ATP2B2: variants seen among roughly 807,000 people sequenced by gnomAD.
The protein encoded by ATP2B2 is plasma membrane calcium-transporting ATPase 2.
ATP2B2 carries 15 observed loss-of-function variants against 120.0 expected under a neutral mutation model. The ratio of observed to expected loss-of-function variants is 0.12; its 90% CI spans 0.08 to 0.19. ATP2B2 has a LOEUF of 0.19. ATP2B2 is among the 10% of genes least tolerant of loss of function. The pLI is 1.00. For synonymous variants in ATP2B2, 694 were observed against 700.3 expected (o/e 0.99, Z 0.14); for missense variants, 1,045 against 1,719.8 (o/e 0.61, Z 6.94).
chr3:10,366,181 T>C (rs1025109116), intron 12 of ATP2B2, among the ~76,000 whole-genome samples: 2 of 152,158 alleles, frequency 1.3e-5, no homozygotes, highest in African/African-American at 4.8e-5. Flanking sequence ...CACTCGAATA[T>C]TAGATCGAGC....
rs548228966 is a variant in ATP2B2, at chr3:10,695,286, C to G, written c.-460+12629G>C. 5.9e-3 allele frequency among the ~76,000 whole-genome samples: 547 copies of G among 93,192 alleles called. 1 individual carries two copies. The highest frequency in any genetic ancestry group is 7.2e-3 in the Non-Finnish European group (343 of 47,888). The allele number at this position is 93,192 out of a possible 152,430, so 61.1% of individuals were successfully genotyped here. The stretch of plus-strand genomic sequence containing the variant: ...AGAGAGAGAGAGAGAGAGAGAGAGA[C>G]AGCTTGTGCAGGGGAATTCCTCTTT... On this transcript the variant is annotated intron_variant, in intron 1 of 21. Coordinates refer to the ATP2B2 transcript ENST00000646379.
intron 2 of ATP2B2, among the ~76,000 whole-genome samples, chr3:10,618,468 C>T (rs371443311): frequency 3.9e-5 from 6 of 152,152 alleles, no homozygotes; most frequent in Non-Finnish European, 7.4e-5. Context: ...ACAAGGCTAT[C>T]GAGGTGATGA....
At chr3:10,615,397 C>G (rs76520837) in intron 2 of ATP2B2, among the ~76,000 whole-genome samples, 1 of 152,080 alleles carries the variant, frequency 6.6e-6, no homozygotes, top group African/African-American at 2.4e-5. Context: ...TGAGCAGAAA[C>G]GAAGGGAGGG....
Position 10,570,774 on chromosome 3 carries a change from C to T in ATP2B2, c.-414-36641G>A, listed in dbSNP as rs78285857. ...ATTGGCGAGAGGCAAAGGCTCCCTGCCCCCTGCAATGAGACCTACTCTCCC... is the reference window on the plus strand; with the variant it reads ...ATTGGCGAGAGGCAAAGGCTCCCTGTCCCCTGCAATGAGACCTACTCTCCC... On this transcript the variant is annotated intron_variant, in intron 2 of 21. Coordinates refer to the ATP2B2 transcript ENST00000646379. Among the ~76,000 whole-genome samples, 404 of 152,276 alleles carry T rather than the reference C, an allele frequency of 2.7e-3. 1 individual carries two copies. The highest frequency in any genetic ancestry group is 9.2e-3 in the African/African-American group (381 of 41,562).
At chr3:10,480,876 A>G (rs1559390574) in intron 1 of ATP2B2, among the ~76,000 whole-genome samples, 1 of 152,240 alleles carries the variant, frequency 6.6e-6, no homozygotes, top group Non-Finnish European at 1.5e-5. Flanking sequence ...AGTGGCTTCC[A>G]GTACATGCAG....
intron 2 of ATP2B2, among the ~76,000 whole-genome samples, chr3:10,414,904 C>G (rs2062730184): frequency 6.6e-6 from 1 of 152,186 alleles, no homozygotes; most frequent in Non-Finnish European, 1.5e-5. Context: ...TCTGCTAGGA[C>G]TGTTCCCATG....
At chr3:10,466,489 G>C (rs1355101086) in intron 1 of ATP2B2, among the ~76,000 whole-genome samples, 3 of 152,120 alleles carry the variant, frequency 2.0e-5, no homozygotes, top group Admixed American at 6.5e-5. Context: ...CAATTAGGCC[G>C]AACAGTTTTA....
At chr3:10,446,830 C>T (rs895665238) in intron 2 of ATP2B2, among the ~76,000 whole-genome samples, 5 of 152,228 alleles carry the variant, frequency 3.3e-5, no homozygotes, top group Non-Finnish European at 7.3e-5. Context: ...CCCAAAGGCA[C>T]ACGGCTGGCA....
chr3:10,582,694 G>T (rs1194485541), intron 2 of ATP2B2, among the ~76,000 whole-genome samples: 1 of 152,204 alleles, frequency 6.6e-6, no homozygotes, highest in Non-Finnish European at 1.5e-5. Context: ...GGAGGCAGAG[G>T]GAACGGTAAG....
intron 1 of ATP2B2, among the ~76,000 whole-genome samples, chr3:10,457,245 G>A (rs1457495869): frequency 2.6e-5 from 4 of 151,822 alleles, no homozygotes; most frequent in Non-Finnish European, 5.9e-5. Flanking sequence ...GGGCGTACAA[G>A]GCATATGTGG....
At chr3:10,592,781 C>A (rs1005896192) in intron 2 of ATP2B2, among the ~76,000 whole-genome samples, 1 of 152,192 alleles carries the variant, frequency 6.6e-6, no homozygotes, top group African/African-American at 2.4e-5. Context: ...CATTTACTGT[C>A]CCCTCTCCCA....
At chr3:10,702,261 A>C (rs981562268) in intron 1 of ATP2B2, among the ~76,000 whole-genome samples, 2 of 152,180 alleles carry the variant, frequency 1.3e-5, no homozygotes, top group Non-Finnish European at 2.9e-5. Context: ...AGAAGGTAAA[A>C]ATTATATGTG....
chr3:10,509,542 G>A (rs751892772), upstream of ATP2B2, among the ~76,000 whole-genome samples: 2 of 152,236 alleles, frequency 1.3e-5, no homozygotes, highest in Non-Finnish European at 2.9e-5. Context: ...TTACGTGAAA[G>A]TTACAGAGCC....
At chr3:10,572,388 G>C (rs1038146583) in intron 2 of ATP2B2, among the ~76,000 whole-genome samples, 1 of 152,188 alleles carries the variant, frequency 6.6e-6, no homozygotes, top group Non-Finnish European at 1.5e-5. Context: ...TTAGACAAGA[G>C]TTTCAGTTGG....
intron 7 of ATP2B2, 58 bp from the exon 8 acceptor site, chr3:10,385,385 G>A (rs1038048060): frequency 2.8e-5 from 41 of 1,486,740 alleles, no homozygotes; most frequent in African/African-American, 5.5e-5. Flanking sequence ...AAGCAACAAC[G>A]ACAAAGACAT....
At chr3:10,605,700 G>A (rs1338399679) in intron 2 of ATP2B2, among the ~76,000 whole-genome samples, 2 of 151,556 alleles carry the variant, frequency 1.3e-5, no homozygotes, top group Non-Finnish European at 2.9e-5. Flanking sequence ...CCAGGTGGGA[G>A]TGCAGTGGTG....
intron 2 of ATP2B2, among the ~76,000 whole-genome samples, chr3:10,615,667 C>G (rs974470802): frequency 3.3e-5 from 5 of 152,204 alleles, no homozygotes; most frequent in African/African-American, 1.2e-4. Flanking sequence ...CCATCCACAT[C>G]CAACTTGCTC....
At chr3:10,400,850 CA>C in intron 5 of ATP2B2, 102 bp downstream of exon 5, 1 of 1,564,516 alleles carries the variant, frequency 6.4e-7, no homozygotes. Context: ...ATACCAGAGC[CA>C]AGGATCAAAG....
At chr3:10,677,881 T>C (rs1261943851) in intron 1 of ATP2B2, among the ~76,000 whole-genome samples, 1 of 152,240 alleles carries the variant, frequency 6.6e-6, no homozygotes, top group Non-Finnish European at 1.5e-5. Flanking sequence ...AAGCTCTCTG[T>C]ATGCCAGGCC....
Sources: gnomAD v4.1 joint callset for allele counts (sites outside exome capture counted in the v4.1 genomes callset) on GRCh38, gnomAD v4.1.1 for gene constraint, MANE v1.5 for transcripts, NCBI Gene and HGNC (gene_info 2026-07-23, HGNC 2026-07-21) for gene names.